The following KANSL1 variants were observed in gnomAD, a reference collection of about 807,000 sequenced individuals.
KANSL1 encodes KAT8 regulatory NSL complex subunit 1, also known as MLL1/MLL complex subunit KANSL1.
A neutral mutation model predicts 103.6 loss-of-function variants in KANSL1; 22 were observed. The ratio of observed to expected loss-of-function variants is 0.21; its 90% CI spans 0.15 to 0.30. The LOEUF is 0.30. Among genes scored for constraint, KANSL1 ranks in the 10% least tolerant of loss-of-function variants. KANSL1 has a pLI of 1.00. For missense variants in KANSL1, 1,337 were observed against 1,399.8 expected (o/e 0.96, Z 0.72); for synonymous variants, 600 against 527.6 (o/e 1.14, Z -1.88).
At chr17:46,113,289 T>C (rs2042902165) in intron 2 of KANSL1, among the ~76,000 whole-genome samples, 1 of 152,248 alleles carries the variant, frequency 6.6e-6, no homozygotes, top group South Asian at 2.1e-4. Flanking sequence ...TCTTGCCTTT[T>C]AGCCCCATCA....
intron 2 of KANSL1, among the ~76,000 whole-genome samples, chr17:46,165,409 T>A (rs2147666827): frequency 6.6e-6 from 1 of 152,260 alleles, no homozygotes; most frequent in East Asian, 1.9e-4. Context: ...ATTTTTTGAA[T>A]TTTTAGTAGA....
At chr17:46,123,364 G>A (rs773338785) in intron 2 of KANSL1, among the ~76,000 whole-genome samples, 6 of 152,148 alleles carry the variant, frequency 3.9e-5, no homozygotes, top group African/African-American at 1.2e-4. Context: ...GCGGCAGAGC[G>A]AGACTCCATC....
chr17:46,106,217 AT>A (rs2042559816), intron 2 of KANSL1, among the ~76,000 whole-genome samples: 1 of 152,216 alleles, frequency 6.6e-6, no homozygotes, highest in African/African-American at 2.4e-5. Flanking sequence ...AGCTATTATC[AT>A]TGAGCCCCCA....
At chr17:46,187,004 T>C (rs1414268107) in intron 1 of KANSL1, among the ~76,000 whole-genome samples, 1 of 152,170 alleles carries the variant, frequency 6.6e-6, no homozygotes, top group Non-Finnish European at 1.5e-5. Context: ...GGTGCTGGGA[T>C]TACAGGCATG....
Position 46,171,328 on chromosome 17 carries a change from G to C in KANSL1, c.816C>G (p.Ser272=). 1 of 1,614,136 alleles carries C rather than the reference G, an allele frequency of 6.2e-7. No individual in the cohort carries two copies. Among genetic ancestry groups the C allele is most frequent in the Non-Finnish European group, 8.5e-7 (1 of 1,180,044 alleles). Residue 272 remains serine, a synonymous_variant, in exon 2 of 15, where the codon TCC becomes TCG. Transcript: ENST00000432791. ...CAGAATCTAAAGCACTGAAAAGAAT[G>C]GAAGACAGGGGAGACTTTTTACCCT... ...KLEGKKSPLS[S]ILFSALDSDT...
chr17:46,193,912 C>CA (rs1355693281), upstream of KANSL1: 2 of 156,432 alleles, frequency 1.3e-5, no homozygotes, highest in African/African-American at 4.8e-5. Flanking sequence ...CACACTATTC[C>CA]AAGGCTAACC....
At chr17:46,205,472 A>C (rs2047935135) in intron 1 of KANSL1, among the ~76,000 whole-genome samples, 1 of 152,038 alleles carries the variant, frequency 6.6e-6, no homozygotes, top group African/African-American at 2.4e-5. Context: ...ACTTGAGGTC[A>C]GGAGTTCAAG....
chr17:46,092,641 C>G (rs73984687), intron 3 of KANSL1, among the ~76,000 whole-genome samples: 1 of 135,664 alleles, frequency 7.4e-6, no homozygotes, highest in Admixed American at 9.2e-5. Context: ...GAACAAATTA[C>G]TTATGTGCTA....
At chr17:46,101,396 G>C in intron 2 of KANSL1, among the ~76,000 whole-genome samples, 1 of 152,176 alleles carries the variant, frequency 6.6e-6, no homozygotes, top group East Asian at 1.9e-4. Flanking sequence ...TCACAAAGTT[G>C]TGATAGCCAT....
intron 2 of KANSL1, among the ~76,000 whole-genome samples, chr17:46,103,213 C>G (rs1487626228): frequency 6.6e-6 from 1 of 152,220 alleles, no homozygotes; most frequent in Non-Finnish European, 1.5e-5. Flanking sequence ...TCCTCATGCT[C>G]TTTTATTTAT....
rs1432179315 is a variant in KANSL1 at position 46,092,470 on chromosome 17, C to T, written c.1431+2090G>A. Among the ~76,000 whole-genome samples, 2 of 152,070 alleles carry T rather than the reference C, an allele frequency of 1.3e-5. 1 individual carries two copies. Among genetic ancestry groups the T allele is most frequent in the Non-Finnish European group, 2.9e-5 (2 of 68,022 alleles). Reference sequence around the variant, plus strand: ...TAAGAACATAAAAGAGCATTCATACCTTTGACTGAGATAAAGATATTTATC... The same window carrying T: ...TAAGAACATAAAAGAGCATTCATACTTTTGACTGAGATAAAGATATTTATC... On this transcript the variant is annotated intron_variant, in intron 3 of 14. Coordinates refer to ENST00000432791, the MANE Select transcript of KANSL1 (RefSeq NM_015443.4).
At chr17:46,132,062 G>A (rs2043889381) in intron 2 of KANSL1, among the ~76,000 whole-genome samples, 1 of 152,152 alleles carries the variant, frequency 6.6e-6, no homozygotes. Flanking sequence ...GGAAGGCAGA[G>A]GTTGCAGTGA....
At chr17:46,220,667 AT>A (rs1255446318) in intron 1 of KANSL1, among the ~76,000 whole-genome samples, 2 of 152,194 alleles carry the variant, frequency 1.3e-5, no homozygotes, top group African/African-American at 4.8e-5. Context: ...CCATTTTCTT[AT>A]TTATTCTTCT....
At chr17:46,177,401 CTA>C (rs1261285599) in intron 1 of KANSL1, among the ~76,000 whole-genome samples, 2 of 152,170 alleles carry the variant, frequency 1.3e-5, no homozygotes, top group Non-Finnish European at 2.9e-5. Flanking sequence ...CCTGTTATGT[CTA>C]GACTTACTTT....
At chr17:46,202,023 T>C (rs2047821910) in intron 1 of KANSL1, among the ~76,000 whole-genome samples, 1 of 151,908 alleles carries the variant, frequency 6.6e-6, no homozygotes, top group Non-Finnish European at 1.5e-5. Context: ...ACAAAAAAAT[T>C]AGCTGGGCTT....
At chr17:46,138,071 A>G (rs1212943336) in intron 2 of KANSL1, among the ~76,000 whole-genome samples, 1 of 152,158 alleles carries the variant, frequency 6.6e-6, no homozygotes, top group African/African-American at 2.4e-5. Flanking sequence ...CAAGAATAGA[A>G]GCCACATTTC....
At chr17:46,065,829 CT>C (rs1458699231) in intron 6 of KANSL1, among the ~76,000 whole-genome samples, 1 of 151,996 alleles carries the variant, frequency 6.6e-6, no homozygotes, top group Admixed American at 6.6e-5. Flanking sequence ...TGAAGACAAA[CT>C]TTTTTTTAGT....
At chr17:46,176,707 A>T (rs1198400164) in intron 1 of KANSL1, among the ~76,000 whole-genome samples, 2 of 152,104 alleles carry the variant, frequency 1.3e-5, no homozygotes, top group African/African-American at 4.8e-5. Flanking sequence ...AAAAAAAAAA[A>T]ATCCCATCTA....
chr17:46,047,682 G>A (rs1305353694), intron 7 of KANSL1, among the ~76,000 whole-genome samples: 1 of 151,896 alleles, frequency 6.6e-6, no homozygotes, highest in South Asian at 2.1e-4. Flanking sequence ...AGATACTTAG[G>A]AGGCTGAAGT....
Sources: allele counts gnomAD v4.1 joint callset (sites outside exome capture counted in the v4.1 genomes callset), GRCh38; gene constraint gnomAD v4.1.1; transcripts MANE v1.5; gene names NCBI Gene and HGNC (gene_info 2026-07-23, HGNC 2026-07-21).